WWOX: variants seen among roughly 807,000 people sequenced by gnomAD.
The protein encoded by WWOX is WW domain-containing oxidoreductase.
In WWOX, 69 loss-of-function variants were observed where a neutral mutation model predicts 46.2. The observed-to-expected ratio is 1.49, with a 90% CI of 1.23 to 1.82. The LOEUF is 1.82. WWOX is among the 40% of genes most tolerant of loss of function. The pLI is 0.00. For synonymous variants in WWOX, 359 were observed against 202.6 expected, an observed-to-expected ratio of 1.77 and a Z score of -6.56; for missense variants, 919 against 542.6, an observed-to-expected ratio of 1.69 and a Z score of -6.89.
At chr16:78,508,427 A>C (rs1226285909) in intron 8 of WWOX, among the ~76,000 whole-genome samples, 3 of 151,106 alleles carry the variant, frequency 2.0e-5, no homozygotes, top group African/African-American at 7.3e-5. Flanking sequence ...GGAAGCTAAA[A>C]GATTGGACAC....
chr16:78,874,345 A>G (rs373513885), intron 8 of WWOX, among the ~76,000 whole-genome samples: 3 of 151,992 alleles, frequency 2.0e-5, no homozygotes, highest in Non-Finnish European at 2.9e-5. Flanking sequence ...CTGAACAGAC[A>G]TGATCTTGGG....
intron 8 of WWOX, among the ~76,000 whole-genome samples, chr16:78,989,901 T>C (rs183890275): frequency 6.7e-6 from 1 of 148,506 alleles, no homozygotes; most frequent in Non-Finnish European, 1.5e-5. Flanking sequence ...AGGCGGGGGA[T>C]TCCAGGTACA....
At chr16:78,719,313 C>G (rs1415004972) in intron 8 of WWOX, among the ~76,000 whole-genome samples, 2 of 152,196 alleles carry the variant, frequency 1.3e-5, no homozygotes, top group Non-Finnish European at 2.9e-5. Flanking sequence ...TGTGGAAGCC[C>G]CATTAACCAT....
At chr16:78,304,661 G>T (rs552579470) in intron 5 of WWOX, among the ~76,000 whole-genome samples, 1 of 152,156 alleles carries the variant, frequency 6.6e-6, no homozygotes, top group Non-Finnish European at 1.5e-5. Flanking sequence ...ATTTATTCAA[G>T]CATTCTTTGT....
At position 78,421,090 on chromosome 16, in the gene WWOX, A is replaced by G. The variant is rs112287408; in HGVS notation, c.606-3780A>G. Among the ~76,000 whole-genome samples the G allele has an allele frequency of 1.6e-3, 242 of 152,274 alleles. 1 individual carries two copies. Among genetic ancestry groups the G allele is most frequent in the Non-Finnish European group, 2.7e-3 (187 of 68,022 alleles). ...GACATGTCATTATGGATTCTTGGGCATAAACGTTTATATGAATTTTGAATA... is the reference window on the plus strand; with the variant it reads ...GACATGTCATTATGGATTCTTGGGCGTAAACGTTTATATGAATTTTGAATA... On this transcript the variant is annotated intron_variant, in intron 6 of 8. Coordinates refer to ENST00000566780, the MANE Select transcript of WWOX (RefSeq NM_016373.4).
At chr16:78,322,080 C>T (rs1027898680) in intron 5 of WWOX, among the ~76,000 whole-genome samples, 7 of 152,026 alleles carry the variant, frequency 4.6e-5, no homozygotes, top group African/African-American at 1.7e-4. Flanking sequence ...GTACAAAAAG[C>T]CAAATGGTTT....
rs201762416 is a variant in WWOX, at chr16:79,022,275, GA to G, written c.1057-189329del. On this transcript the variant is annotated intron_variant, in intron 8 of 8. Transcript: ENST00000566780. ...GTGCTTGGGGCACATTGGCAGCTGCGAAAAGCTCGCTCTGATGCCTGTGTGG... is the reference window on the plus strand; with the variant it reads ...GTGCTTGGGGCACATTGGCAGCTGCGAAAGCTCGCTCTGATGCCTGTGTGG... Among the ~76,000 whole-genome samples, 847 of 143,388 alleles carry G rather than the reference GA, an allele frequency of 5.9e-3. 12 individuals are homozygous for G. The highest frequency in any genetic ancestry group is 0.021 in the African/African-American group (803 of 38,024). The allele number at this position is 143,388 out of a possible 152,430, so 94.1% of individuals were successfully genotyped here.
At chr16:78,850,698 C>A (rs868467158) in intron 8 of WWOX, among the ~76,000 whole-genome samples, 3 of 152,118 alleles carry the variant, frequency 2.0e-5, no homozygotes, top group East Asian at 3.9e-4. Flanking sequence ...GTCTCTGTGC[C>A]AGTCACTGCC....
intron 8 of WWOX, among the ~76,000 whole-genome samples, chr16:78,715,809 C>T (rs1405121299): frequency 1.3e-5 from 2 of 152,136 alleles, no homozygotes; most frequent in Admixed American, 6.6e-5. Flanking sequence ...AAAGCAAAAG[C>T]TTTTCTAGAA....
intron 8 of WWOX, among the ~76,000 whole-genome samples, chr16:78,809,789 G>A (rs990356960): frequency 6.6e-6 from 1 of 152,130 alleles, no homozygotes; most frequent in African/African-American, 2.4e-5. Context: ...GAGGATAGCG[G>A]TGTGTTCAGT....
chr16:78,668,947 T>G (rs1380752101), intron 8 of WWOX, among the ~76,000 whole-genome samples: 1 of 152,076 alleles, frequency 6.6e-6, no homozygotes, highest in African/African-American at 2.4e-5. Flanking sequence ...AGGGAGAGAT[T>G]TAATAAAGGC....
intron 8 of WWOX, among the ~76,000 whole-genome samples, chr16:79,131,570 T>A (rs1203342785): frequency 6.6e-6 from 1 of 152,134 alleles, no homozygotes; most frequent in African/African-American, 2.4e-5. Flanking sequence ...AATCAACTCT[T>A]GAATGATGGT....
chr16:78,925,285 C>T (rs571719363), intron 8 of WWOX, among the ~76,000 whole-genome samples: 6 of 152,200 alleles, frequency 3.9e-5, no homozygotes, highest in Non-Finnish European at 8.8e-5. Context: ...TGGGTGGCAG[C>T]ATACTGGGAT....
intron 8 of WWOX, among the ~76,000 whole-genome samples, chr16:78,509,082 G>C (rs1186416662): frequency 6.6e-6 from 1 of 152,258 alleles, no homozygotes; most frequent in Non-Finnish European, 1.5e-5. Context: ...ACTGTTTCCA[G>C]TGTGCAGTGA....
chr16:79,028,140 G>T (rs1160840205), intron 8 of WWOX, among the ~76,000 whole-genome samples: 1 of 151,634 alleles, frequency 6.6e-6, no homozygotes, highest in African/African-American at 2.4e-5. Flanking sequence ...CAGCAGAGAC[G>T]GGGTTTCACC....
chr16:78,941,039 G>A (rs1331259982), intron 8 of WWOX, among the ~76,000 whole-genome samples: 4 of 151,892 alleles, frequency 2.6e-5, no homozygotes, highest in East Asian at 1.9e-4. Flanking sequence ...TGACCAGAAA[G>A]ACTCACAGCC....
intron 8 of WWOX, among the ~76,000 whole-genome samples, chr16:78,598,786 C>G (rs2045552470): frequency 6.6e-6 from 1 of 152,168 alleles, no homozygotes; most frequent in African/African-American, 2.4e-5. Flanking sequence ...CCCCTGGAGT[C>G]TTGGCTTTTG....
At chr16:78,877,337 G>C (rs1567620563) in intron 8 of WWOX, among the ~76,000 whole-genome samples, 2 of 150,502 alleles carry the variant, frequency 1.3e-5, no homozygotes, top group African/African-American at 4.9e-5. Context: ...CTGGCCTCTT[G>C]TTCTTCTTCA....
rs1451379498 is a variant in WWOX at position 79,015,787 on chromosome 16, C to T, written c.1057-195821C>T. ...TATTTTTCTGAGACAGACTGTCGCT[C>T]TGTCGCCAAGGTGGAGTGCAGCGGT... On this transcript the variant is annotated intron_variant, in intron 8 of 8. Coordinates refer to ENST00000566780, the MANE Select transcript of WWOX (RefSeq NM_016373.4). 4.1e-5 allele frequency among the ~76,000 whole-genome samples: 6 copies of T among 146,494 alleles called. No individual in the cohort carries two copies. The East Asian group carries it at 5.8e-4, about 14-fold the overall frequency.
Sources: gnomAD v4.1 joint callset for allele counts (sites outside exome capture counted in the v4.1 genomes callset) on GRCh38, gnomAD v4.1.1 for gene constraint, MANE v1.5 for transcripts, NCBI Gene and HGNC (gene_info 2026-07-23, HGNC 2026-07-21) for gene names.